RIMS4: variants seen among roughly 807,000 people sequenced by gnomAD.
The protein encoded by RIMS4 is regulating synaptic membrane exocytosis protein 4.
Under a neutral mutation model 29.0 loss-of-function variants are expected in RIMS4, and 9 were observed. The observed-to-expected ratio is 0.31, with a 90% confidence interval of 0.19 to 0.54. The LOEUF (loss-of-function observed/expected upper bound fraction) is 0.54, where lower values mean the gene tolerates loss of function less well. Among genes scored for constraint, RIMS4 ranks in the 20% least tolerant of loss-of-function variants. The pLI, the probability that RIMS4 is intolerant of heterozygous loss-of-function variation, is 0.94. For synonymous variants in RIMS4, 130 were observed against 152.9 expected, an observed-to-expected ratio of 0.85 and a Z score of 1.10; for missense variants, 193 against 365.7, an observed-to-expected ratio of 0.53 and a Z score of 3.85.
intron 1 of RIMS4, among the ~76,000 whole-genome samples, chr20:44,790,445 C>T (rs2066228059): frequency 6.6e-6 from 1 of 152,202 alleles, no homozygotes; most frequent in Non-Finnish European, 1.5e-5. Flanking sequence ...TTTTCAACTC[C>T]AGCATCCTCT....
intron 2 of RIMS4, among the ~76,000 whole-genome samples, chr20:44,768,329 G>T (rs969877569): frequency 6.6e-6 from 1 of 152,130 alleles, no homozygotes; most frequent in Non-Finnish European, 1.5e-5. Flanking sequence ...GAATACATAC[G>T]CCTGGTGATC....
intron 1 of RIMS4, among the ~76,000 whole-genome samples, chr20:44,801,041 C>T (rs1161091701): frequency 2.6e-5 from 4 of 152,212 alleles, no homozygotes; most frequent in Non-Finnish European, 5.9e-5. Flanking sequence ...CATACATCCT[C>T]TGGAATTCTC....
Position 44,810,213 on chromosome 20 carries a change from T to A in RIMS4, c.59A>T (p.Tyr20Phe). The change falls in exon 1 of 6, where the codon TAC (tyrosine) becomes TTC (phenylalanine). Residue 20 changes from tyrosine to phenylalanine, a missense_variant. Transcript: ENST00000372851. ...LSASFEALAIYFPCMNSFDDE... is the reference protein window; with the variant it reads ...LSASFEALAIFFPCMNSFDDE... ...GTCGAAGGAGTTCATGCACGGGAAG[T>A]AGATGGCGAGCGCCTCGAAGGAGGC... 6.3e-7 allele frequency: 1 copy of A among 1,583,214 alleles called. No individual in the cohort carries two copies. The highest frequency in any genetic ancestry group is 8.6e-7 in the Non-Finnish European group (1 of 1,162,822).
intron 1 of RIMS4, among the ~76,000 whole-genome samples, chr20:44,800,347 C>T (rs1601045567): frequency 6.6e-6 from 1 of 151,802 alleles, no homozygotes; most frequent in South Asian, 2.1e-4. Flanking sequence ...GGCTTTTTTA[C>T]GATGTATCTA....
intron 1 of RIMS4, among the ~76,000 whole-genome samples, chr20:44,797,003 C>T (rs1210221019): frequency 6.6e-6 from 1 of 152,220 alleles, no homozygotes; most frequent in Non-Finnish European, 1.5e-5. Flanking sequence ...TTGCCAGCAC[C>T]TGCATTTCTC....
At chr20:44,758,487 G>A (rs1465333359) in intron 2 of RIMS4, among the ~76,000 whole-genome samples, 2 of 152,216 alleles carry the variant, frequency 1.3e-5, no homozygotes, top group Admixed American at 6.5e-5. Flanking sequence ...GCCCTTGCAC[G>A]TGAAAGTGTG....
intron 2 of RIMS4, among the ~76,000 whole-genome samples, chr20:44,761,859 G>A (rs575376394): frequency 6.6e-6 from 1 of 152,182 alleles, no homozygotes; most frequent in Non-Finnish European, 1.5e-5. Context: ...TAGACAGAAA[G>A]TATGAAAAAA....
intron 1 of RIMS4, among the ~76,000 whole-genome samples, chr20:44,798,928 T>C (rs1396499044): frequency 1.3e-5 from 2 of 152,106 alleles, no homozygotes; most frequent in Non-Finnish European, 2.9e-5. Flanking sequence ...GAAACAGGAG[T>C]GAAGAGTTCT....
At chr20:44,780,672 G>A (rs996615890) in intron 1 of RIMS4, among the ~76,000 whole-genome samples, 26 of 152,318 alleles carry the variant, frequency 1.7e-4, no homozygotes, top group African/African-American at 5.1e-4. Flanking sequence ...AGGGGTTAAT[G>A]AACCTGCCCA....
intron 2 of RIMS4, among the ~76,000 whole-genome samples, chr20:44,766,088 G>A (rs1018615224): frequency 1.3e-5 from 2 of 152,140 alleles, no homozygotes; most frequent in Non-Finnish European, 2.9e-5. Context: ...GGTGGGGGAG[G>A]GACAGGGGAC....
In RIMS4 at chr20:44,755,785, C is replaced by T. The variant is rs898591282; in HGVS notation, c.*349G>A. The T allele has an allele frequency of 3.5e-5, 8 of 229,544 alleles. No individual in the cohort carries two copies. The highest frequency in any genetic ancestry group is 6.1e-5 in the Non-Finnish European group (7 of 115,290). The allele number at this position is 229,544 out of a possible 1,614,324, so 14.2% of individuals were successfully genotyped here. A position where few individuals can be genotyped will look rare whatever the true frequency, so the allele number is the denominator to read the frequency against. On this transcript the variant is annotated 3_prime_UTR_variant, in exon 6 of 6. Transcript: ENST00000372851. ...GGGTTCTGGACATGGCTCTGGGCAG[C>T]GAGCTTCCGAGGAGGCAAAAAGGGG...
chr20:44,805,182 T>G (rs2145481699), intron 1 of RIMS4, among the ~76,000 whole-genome samples: 1 of 151,780 alleles, frequency 6.6e-6, no homozygotes, highest in African/African-American at 2.4e-5. Context: ...GGTGCATGCC[T>G]GTAGTCCCAG....
intron 1 of RIMS4, among the ~76,000 whole-genome samples, chr20:44,780,807 T>C (rs187722421): frequency 3.9e-5 from 6 of 151,990 alleles, no homozygotes; most frequent in Admixed American, 3.9e-4. Context: ...TCCAAGAGGA[T>C]TTGAAGAGGA....
At chr20:44,778,664 A>G (rs76756501) in intron 1 of RIMS4, among the ~76,000 whole-genome samples, 4,137 of 152,296 alleles carry the variant, frequency 0.027, 189 homozygotes, top group African/African-American at 0.094. Context: ...CTGTTTCAGG[A>G]AAAATAAATT....
At chr20:44,781,876 A>G (rs1218191939) in intron 1 of RIMS4, among the ~76,000 whole-genome samples, 1 of 152,222 alleles carries the variant, frequency 6.6e-6, no homozygotes, top group East Asian at 1.9e-4. Context: ...TACACAATCC[A>G]CACAGCATTC....
intron 2 of RIMS4, among the ~76,000 whole-genome samples, chr20:44,768,036 A>G (rs1275299521): frequency 6.6e-6 from 1 of 152,218 alleles, no homozygotes; most frequent in African/African-American, 2.4e-5. Flanking sequence ...GCCATTGTCC[A>G]TTGGTATTAC....
intron 1 of RIMS4, among the ~76,000 whole-genome samples, chr20:44,779,904 T>C (rs932989047): frequency 2.6e-5 from 4 of 152,292 alleles, no homozygotes; most frequent in South Asian, 2.1e-4. Context: ...AGGCTAAAGA[T>C]TGGAAGATTT....
At chr20:44,788,638 C>T (rs569204643) in intron 1 of RIMS4, among the ~76,000 whole-genome samples, 3 of 152,018 alleles carry the variant, frequency 2.0e-5, no homozygotes, top group African/African-American at 4.8e-5. Flanking sequence ...CCAGTCAAGG[C>T]GGCTTGTGCC....
chr20:44,769,040 G>A (rs2066125791), intron 2 of RIMS4, among the ~76,000 whole-genome samples: 1 of 152,178 alleles, frequency 6.6e-6, no homozygotes, highest in African/African-American at 2.4e-5. Flanking sequence ...TGGGCTCAGA[G>A]AGGTGAAGTA....
Sources: allele counts gnomAD v4.1 joint callset (sites outside exome capture counted in the v4.1 genomes callset), GRCh38; gene constraint gnomAD v4.1.1; transcripts MANE v1.5; gene names NCBI Gene and HGNC (gene_info 2026-07-23, HGNC 2026-07-21).